The following POLG variants were observed in gnomAD, a reference collection of about 807,000 sequenced individuals.
POLG encodes the protein DNA polymerase subunit gamma-1.
Under a neutral mutation model 155.4 loss-of-function variants are expected in POLG, and 110 were observed. The ratio of observed to expected loss-of-function variants is 0.71; its 90% CI spans 0.61 to 0.83. POLG has a LOEUF of 0.83. POLG is among the 40% of genes least tolerant of loss of function. The pLI, the probability that POLG is intolerant of heterozygous loss-of-function variation, is 0.00. For missense variants in POLG, 1,685 were observed against 1,627.5 expected (o/e 1.04, Z -0.61); for synonymous variants, 701 against 631.5 (o/e 1.11, Z -1.65).
rs1463733201 is a variant in POLG, at chr15:89,333,258, G to T, written c.497C>A (p.Pro166His). 1.9e-6 allele frequency: 3 copies of T among 1,566,088 alleles called. No individual in the cohort carries two copies. Among genetic ancestry groups the T allele is most frequent in the Non-Finnish European group, 2.6e-6 (3 of 1,154,630 alleles). The change falls in exon 2 of 23, where the codon CCC (proline) becomes CAC (histidine). Residue 166 changes from proline to histidine, a missense_variant. Transcript: ENST00000268124. ...GCCCTCCGCCCAGGCCCAAGCCGGG[G>T]GCTTCGGGGGCAGCTGGGCCTGCAA... ...LLLQAQLPPK[P>H]PAWAWAEGWT... is the part of the protein sequence containing the mutation.
chr15:89,327,071 G>A lies in POLG; in HGVS notation c.1434-8C>T. On this transcript the variant is annotated splice_region_variant and splice_polypyrimidine_tract_variant and intron_variant, in intron 7 of 22. Coordinates refer to ENST00000268124, the MANE Select transcript of POLG (RefSeq NM_002693.3). ...CAGGGGTCTTCTTTGTACCTACAGAGCCAGTCCACTAGGGCAGGGCTAAGG... is the reference window on the plus strand; with the variant it reads ...CAGGGGTCTTCTTTGTACCTACAGAACCAGTCCACTAGGGCAGGGCTAAGG... The A allele has an allele frequency of 3.7e-6, 6 of 1,614,216 alleles. No individual in the cohort carries two copies. The highest frequency in any genetic ancestry group is 4.2e-6 in the Non-Finnish European group (5 of 1,180,040).
Position 89,318,601 on chromosome 15 carries a change from A to G in POLG, c.3422T>C (p.Val1141Ala). ...AGCGCGGTAGCGGTCCTCCTCCCGC[A>G]CCAGGTAGCGAACCTCGTCATGGAT... is the stretch of plus-strand genomic sequence containing the variant. ...ISIHDEVRYLVREEDRYRAAL... is the reference protein window; with the variant it reads ...ISIHDEVRYLAREEDRYRAAL... The change falls in exon 21 of 23, where the codon GTG (valine) becomes GCG (alanine). Residue 1141 changes from valine (V) to alanine (A), a missense_variant. Physicochemically the swap from Val to Ala is moderately conservative, Grantham distance 64 (BLOSUM62 0). Around this residue, in one of 3 missense-constraint regions of POLG, gnomAD observed 470 missense variants for 439.9 expected, o/e 1.07. Transcript: ENST00000268124. 1 of 1,614,178 alleles carries G rather than the reference A, an allele frequency of 6.2e-7. No individual in the cohort carries two copies. The highest frequency in any genetic ancestry group is 8.5e-7 in the Non-Finnish European group (1 of 1,180,028).
Position 89,323,326 on chromosome 15 carries a change from G to A in POLG, c.2265+78C>T, listed in dbSNP as rs2055425182. The stretch of plus-strand genomic sequence containing the variant: ...TCCCACAAAAAGGAAAGTCTCAGGT[G>A]TGTCACTCTGAAGGCCTGCTGTGGG... On this transcript the variant is annotated intron_variant, in intron 13 of 22. Transcript: ENST00000268124. 3 of 864,480 alleles carry A rather than the reference G, an allele frequency of 3.5e-6. No homozygotes were observed. In the South Asian group the frequency reaches 4.2e-5, roughly 12 times the overall value. The allele number at this position is 864,480 out of a possible 1,614,324, so 53.6% of individuals were successfully genotyped here.
In POLG at chr15:89,316,733, C is replaced by T; in HGVS notation, c.*18G>A. On this transcript the variant is annotated 3_prime_UTR_variant, in exon 23 of 23. Coordinates refer to ENST00000268124, the MANE Select transcript of POLG (RefSeq NM_002693.3). ...CGATGAAGCTCCACGGGAGCAAATACAGAGCCTCCAGGCAGTGCTATGGTC... is the reference window on the plus strand; with the variant it reads ...CGATGAAGCTCCACGGGAGCAAATATAGAGCCTCCAGGCAGTGCTATGGTC... The T allele has an allele frequency of 1.2e-6, 2 of 1,601,146 alleles. No homozygotes were observed. The highest frequency in any genetic ancestry group is 8.6e-7 in the Non-Finnish European group (1 of 1,168,086).
Position 89,320,951 on chromosome 15 carries a change from G to A in POLG, c.2796C>T (p.His932=). 3 of 1,613,972 alleles carry A rather than the reference G, an allele frequency of 1.9e-6. No individual in the cohort carries two copies. Among genetic ancestry groups the A allele is most frequent in the South Asian group, 2.2e-5 (2 of 91,086 alleles). ...QGRKSRGTDL[H]SKTATTVGIS... is the part of the protein sequence containing the mutation. The stretch of plus-strand genomic sequence containing the variant: ...TGCCCACAGTAGTGGCTGTCTTACT[G>A]TGTAGATCAGTGCCCCTGCTCTTCC... Residue 932 remains histidine, a synonymous_variant, in exon 18 of 23, where the codon CAC becomes CAT. Coordinates refer to ENST00000268124, the MANE Select transcript of POLG (RefSeq NM_002693.3).
rs2055275218 is a variant in POLG, at chr15:89,316,651, C to CTTT, written c.*99_*100insAAA. 3.5e-5 allele frequency: 42 copies of CTTT among 1,210,186 alleles called. No individual in the cohort carries two copies. Among genetic ancestry groups the CTTT allele is most frequent in the Admixed American group, 2.1e-4 (12 of 57,640 alleles). 75.0% of individuals were successfully genotyped at this position (1,210,186 alleles called of 1,614,324 possible). A position where few individuals can be genotyped will look rare whatever the true frequency, so the allele number is the denominator to read the frequency against. ...CTACTGAAAAATGGCTGGCCTTAGG[C>CTTT]AAGCCCTTTTGCAAAAAGCACAGCT... On this transcript the variant is annotated 3_prime_UTR_variant, in exon 23 of 23. Transcript: ENST00000268124.
chr15:89,327,768 C>T (rs1859845671), intron 6 of POLG, among the ~76,000 whole-genome samples: 2 of 151,872 alleles, frequency 1.3e-5, no homozygotes, highest in Admixed American at 1.3e-4. Flanking sequence ...TTCACTTACA[C>T]ATTTATTTTC....
rs1170795525 is a variant in POLG at position 89,333,931 on chromosome 15, T to C, written c.-159-18A>G. ...CCCAAATCCTAAAGGAGACAGATGA[T>C]ATAAAGCGTTATTTTACCATATATG... On this transcript the variant is annotated intron_variant, in intron 1 of 22. Coordinates refer to ENST00000268124, the MANE Select transcript of POLG (RefSeq NM_002693.3). 4 of 672,274 alleles carry C rather than the reference T, an allele frequency of 5.9e-6. No individual in the cohort carries two copies. Among genetic ancestry groups the C allele is most frequent in the Non-Finnish European group, 1.0e-5 (4 of 396,754 alleles). 41.6% of individuals were successfully genotyped at this position (672,274 alleles called of 1,614,324 possible).
intron 10 of POLG, among the ~76,000 whole-genome samples, chr15:89,325,131 A>AGTGAGT (rs1476054476): frequency 4.3e-4 from 19 of 44,676 alleles, no homozygotes; most frequent in Non-Finnish European, 6.6e-4. Context: ...AGTGAGTGAG[A>AGTGAGT]GAGTGAGTGA....
chr15:89,320,659 T>TGA (rs1186560111), intron 18 of POLG, 107 bp downstream of exon 18: 1 of 1,271,700 alleles, frequency 7.9e-7, no homozygotes, highest in African/African-American at 1.5e-5. Flanking sequence ...AGGGGCTAGG[T>TGA]GAGAGTTCAA....
intron 13 of POLG, 39 bp downstream of exon 13, chr15:89,323,365 G>C (rs1170732345): frequency 7.5e-7 from 1 of 1,338,246 alleles, no homozygotes; most frequent in Middle Eastern, 1.8e-4. Flanking sequence ...TGAGCAGAAT[G>C]AGGAAACACC....
rs1237787097 is a variant in POLG at position 89,318,627 on chromosome 15, G to A, written c.3396C>T (p.Ser1132=). 6.2e-7 allele frequency: 1 copy of A among 1,614,092 alleles called. No individual in the cohort carries two copies. Among genetic ancestry groups the A allele is most frequent in the Non-Finnish European group, 8.5e-7 (1 of 1,180,024 alleles). The change falls in exon 21 of 23, where the codon AGC becomes AGT. Residue 1132 remains serine, a synonymous_variant. Transcript: ENST00000268124. Reference sequence around the variant, plus strand: ...CCAGGTAGCGAACCTCGTCATGGATGCTGATGCAGAAGCGCCCATCTATGG... The same window carrying A: ...CCAGGTAGCGAACCTCGTCATGGATACTGATGCAGAAGCGCCCATCTATGG... The part of the protein sequence containing the change: ...EFAIDGRFCI[S]IHDEVRYLVR...
Position 89,325,034 on chromosome 15 carries a change from C to CAGAGAGTGAGTG in POLG, c.1949+404_1949+415dup, listed in dbSNP as rs2055451825. On this transcript the variant is annotated intron_variant, in intron 10 of 22. Transcript: ENST00000268124. ...AGCCATGGAAGAAAAAACCTGAACC[C>CAGAGAGTGAGTG]AGAGAGTGAGTGAGTGAGTGAGAGA... Among the ~76,000 whole-genome samples the CAGAGAGTGAGTG allele has an allele frequency of 2.5e-5, 3 of 118,258 alleles. 1 individual carries two copies. The highest frequency in any genetic ancestry group is 5.3e-5 in the Non-Finnish European group (3 of 57,132). 77.6% of individuals were successfully genotyped at this position (118,258 alleles called of 152,430 possible).
rs2055310876 is a variant in POLG at position 89,317,463 on chromosome 15, C to T, written c.3556G>A (p.Asp1186Asn). 2 of 1,614,052 alleles carry T rather than the reference C, an allele frequency of 1.2e-6. No individual in the cohort carries two copies. The highest frequency in any genetic ancestry group is 1.7e-6 in the Non-Finnish European group (2 of 1,179,974). The change falls in exon 22 of 23, where the codon GAC (aspartate) becomes AAC (asparagine). Residue 1186 changes from aspartate (D) to asparagine (N), a missense_variant. Physicochemically the swap from Asp to Asn is conservative, Grantham distance 23. This residue lies in a region of POLG where 470 missense variants were observed against 439.9 expected (regional missense o/e 1.07). Transcript: ENST00000268124. ...SVAFFSAVDI[D>N]RCLRKEVTMD... ...GTCACTTCCTTCCTGAGGCACCGGTCAATATCGACTGCACTGAAAAAGGCG... is the reference window on the plus strand; with the variant it reads ...GTCACTTCCTTCCTGAGGCACCGGTTAATATCGACTGCACTGAAAAAGGCG...
intron 18 of POLG, among the ~76,000 whole-genome samples, chr15:89,320,428 C>G (rs554930668): frequency 3.3e-5 from 5 of 152,330 alleles, no homozygotes; most frequent in African/African-American, 9.6e-5. Flanking sequence ...TCCACCCACT[C>G]CATTTGCTCT....
chr15:89,332,512 G>C (rs1457299838), intron 2 of POLG: 1 of 151,278 alleles, frequency 6.6e-6, no homozygotes, highest in Non-Finnish European at 1.5e-5. Context: ...ATGCCTGCTT[G>C]GAAGGCTGGG....
At chr15:89,321,062 A>G (rs775997814) in intron 17 of POLG, 50 bp from the exon 18 acceptor site, 62 of 1,606,602 alleles carry the variant, frequency 3.9e-5, no homozygotes, top group Admixed American at 8.4e-5. Flanking sequence ...ATTCTGCCCA[A>G]TGTTCATCAG....
In POLG at chr15:89,327,315, C is replaced by G. The variant is rs2055535870; in HGVS notation, c.1285G>C (p.Glu429Gln). ...PHPVTLAGML[E>Q]MGVSYLPVNQ... ...ACAGGCAGGTAGGAGACACCCATCT[C>G]CAGCATGCCGGCCAGAGTCACTGGG... The change falls in exon 7 of 23, where the codon GAG becomes CAG. Residue 429 changes from glutamate to glutamine, a missense_variant. Transcript: ENST00000268124. 1 of 1,613,894 alleles carries G rather than the reference C, an allele frequency of 6.2e-7. No homozygotes were observed. The highest frequency in any genetic ancestry group is 1.3e-5 in the African/African-American group (1 of 74,938).
At chr15:89,317,948 A>T in intron 21 of POLG, 1 of 315,158 alleles carries the variant, frequency 3.2e-6, no homozygotes, top group Non-Finnish European at 6.1e-6. Context: ...CCCAATAATC[A>T]GGATAGATCA....
Sources: allele counts gnomAD v4.1 joint callset (sites outside exome capture counted in the v4.1 genomes callset), GRCh38; gene constraint gnomAD v4.1.1; regional missense constraint gnomAD v4.1.1; transcripts MANE v1.5; gene names NCBI Gene and HGNC (gene_info 2026-07-23, HGNC 2026-07-21).